DLAT: variants seen among roughly 807,000 people sequenced by gnomAD.
DLAT encodes dihydrolipoyllysine-residue acetyltransferase component of pyruvate dehydrogenase complex, mitochondrial.
A neutral mutation model predicts 68.0 loss-of-function variants in DLAT; 43 were observed. The observed-to-expected ratio is 0.63, with a 90% confidence interval of 0.50 to 0.81. The LOEUF (loss-of-function observed/expected upper bound fraction) is 0.81, where lower values mean the gene tolerates loss of function less well. Among genes scored for constraint, DLAT ranks in the 40% least tolerant of loss-of-function variants. DLAT has a pLI of 0.00. For synonymous variants in DLAT, 265 were observed against 288.6 expected (o/e 0.92, Z 0.83); for missense variants, 745 against 815.4 (o/e 0.91, Z 1.05).
chr11:112,064,260 T>C lies in DLAT; in HGVS notation c.*1725T>C. On this transcript the variant is annotated 3_prime_UTR_variant, in exon 14 of 14. Coordinates refer to ENST00000280346, the MANE Select transcript of DLAT (RefSeq NM_001931.5). ...AAAAACAGTTGCCTTCTAATAAACA[T>C]TGTTGAGTTAAAAATTAATCTGAGC... is the stretch of plus-strand genomic sequence containing the variant. The C allele has an allele frequency of 1.3e-6, 2 of 1,508,270 alleles. No individual in the cohort carries two copies. Among genetic ancestry groups the C allele is most frequent in the Non-Finnish European group, 8.9e-7 (1 of 1,123,350 alleles). The allele number at this position is 1,508,270 out of a possible 1,614,324, so 93.4% of individuals were successfully genotyped here. A position where few individuals can be genotyped will look rare whatever the true frequency, so the allele number is the denominator to read the frequency against.
chr11:112,047,471 C>A (rs782568382), intron 10 of DLAT, among the ~76,000 whole-genome samples: 6 of 152,020 alleles, frequency 3.9e-5, no homozygotes, highest in Non-Finnish European at 8.8e-5. Flanking sequence ...TAGTTTAATT[C>A]GACCCCATTT....
At chr11:112,029,773 C>A in intron 4 of DLAT, 1 of 460,500 alleles carries the variant, frequency 2.2e-6, no homozygotes, top group South Asian at 1.8e-5. Flanking sequence ...AGGGGCCAGT[C>A]CAGATTATCT....
rs1274674797 is a variant in DLAT, at chr11:112,055,665, G to A, written c.1515-4238G>A. Among the ~76,000 whole-genome samples the A allele has an allele frequency of 2.0e-5, 3 of 151,870 alleles. No homozygotes were observed. In the East Asian group the frequency reaches 5.8e-4, roughly 29 times the overall value. ...TCTAGGATGCTGTTTGGGCTTTCCT[G>A]TTCCTTGCTTTTAGATGCATTCCTT... On this transcript the variant is annotated intron_variant, in intron 11 of 13. Transcript: ENST00000280346.
At chr11:112,046,097 C>T (rs1863300949) in intron 10 of DLAT, 127 bp downstream of exon 10, 1 of 631,492 alleles carries the variant, frequency 1.6e-6, no homozygotes, top group South Asian at 1.8e-5. Context: ...TTGATCTTGT[C>T]CTTTGAAGCA....
intron 10 of DLAT, among the ~76,000 whole-genome samples, chr11:112,050,230 G>A (rs781798261): frequency 3.9e-5 from 6 of 152,036 alleles, no homozygotes; most frequent in Non-Finnish European, 7.4e-5. Context: ...ATTTGATCAT[G>A]GTGAATGATC....
chr11:112,050,711 TCTCTC>T (rs1290425035), intron 10 of DLAT, among the ~76,000 whole-genome samples: 1 of 152,226 alleles, frequency 6.6e-6, no homozygotes, highest in Non-Finnish European at 1.5e-5. Flanking sequence ...ATTCTAGTCT[TCTCTC>T]CTCTTCTTGG....
chr11:112,053,734 T>A (rs1863809927), intron 11 of DLAT, among the ~76,000 whole-genome samples: 1 of 152,158 alleles, frequency 6.6e-6, no homozygotes, highest in Admixed American at 6.5e-5. Flanking sequence ...ATCACAGGTG[T>A]GAGCTACCAC....
intron 11 of DLAT, among the ~76,000 whole-genome samples, chr11:112,054,807 A>G (rs1252417945): frequency 5.9e-5 from 9 of 152,208 alleles, no homozygotes; most frequent in Admixed American, 4.6e-4. Context: ...TCCAAAGACT[A>G]TAGAGAAGAA....
chr11:112,061,333 A>T (rs1864610105), intron 13 of DLAT, 159 bp downstream of exon 13: 4 of 719,428 alleles, frequency 5.6e-6, no homozygotes, highest in Admixed American at 2.2e-5. Flanking sequence ...TTTGCATATA[A>T]CCTACACACA....
chr11:112,034,587 T>C (rs1481334178), intron 5 of DLAT, among the ~76,000 whole-genome samples: 1 of 130,628 alleles, frequency 7.7e-6, no homozygotes, highest in Admixed American at 7.7e-5. Flanking sequence ...GGACTACAGG[T>C]GCCCGCTGCC....
At chr11:112,049,364 A>G (rs1410776486) in intron 10 of DLAT, among the ~76,000 whole-genome samples, 1 of 152,210 alleles carries the variant, frequency 6.6e-6, no homozygotes, top group African/African-American at 2.4e-5. Flanking sequence ...ATCCATGAAC[A>G]TGTAGATGCC....
chr11:112,036,430 C>G (rs1555180521), intron 5 of DLAT, among the ~76,000 whole-genome samples: 1 of 151,298 alleles, frequency 6.6e-6, no homozygotes. Flanking sequence ...TCAGGCTGGT[C>G]TCGAACTCCC....
At chr11:112,031,587 A>AT (rs1393296988) in intron 4 of DLAT, among the ~76,000 whole-genome samples, 1 of 149,446 alleles carries the variant, frequency 6.7e-6, no homozygotes, top group African/African-American at 2.5e-5. Flanking sequence ...TAGCTATTTT[A>AT]TTTTTTGAGA....
chr11:112,062,494 T>A lies in DLAT; in HGVS notation c.1903T>A (p.Phe635Ile), dbSNP rs1592739045. The A allele has an allele frequency of 6.2e-7, 1 of 1,612,354 alleles. No homozygotes were observed. Among genetic ancestry groups the A allele is most frequent in the South Asian group, 1.1e-5 (1 of 91,004 alleles). ...GAVGAQWLAE[F>I]RKYLEKPITM... ...AGTTGGAGCCCAGTGGCTTGCTGAGTTTAGAAAGTACCTTGAAAAACCTAT... is the reference window on the plus strand; with the variant it reads ...AGTTGGAGCCCAGTGGCTTGCTGAGATTAGAAAGTACCTTGAAAAACCTAT... The change falls in exon 14 of 14, where the codon TTT becomes ATT. Residue 635 changes from phenylalanine (F) to isoleucine (I), a missense_variant. Transcript: ENST00000280346.
At chr11:112,037,104 T>C (rs1320834686) in intron 5 of DLAT, among the ~76,000 whole-genome samples, 169 bp from the exon 6 acceptor site, 8 of 152,138 alleles carry the variant, frequency 5.3e-5, no homozygotes, top group African/African-American at 1.9e-4. Flanking sequence ...ACTATTATTA[T>C]CCCCGTATTG....
At chr11:112,042,938 C>G (rs1322613902) in intron 7 of DLAT, among the ~76,000 whole-genome samples, 1 of 152,126 alleles carries the variant, frequency 6.6e-6, no homozygotes, top group Non-Finnish European at 1.5e-5. Flanking sequence ...GTGAAAAAAT[C>G]GACTTGATTT....
intron 7 of DLAT, 95 bp from the exon 8 acceptor site, chr11:112,043,371 A>G: frequency 1.7e-6 from 2 of 1,179,542 alleles, no homozygotes; most frequent in Non-Finnish European, 2.6e-6. Context: ...TTTGGTAGTA[A>G]ACCCTTAGGA....
chr11:112,060,702 A>G (rs1057502290), intron 12 of DLAT, among the ~76,000 whole-genome samples: 3 of 151,572 alleles, frequency 2.0e-5, no homozygotes, highest in East Asian at 3.9e-4. Flanking sequence ...CTGACCTCAA[A>G]TGATCCACCC....
intron 11 of DLAT, among the ~76,000 whole-genome samples, chr11:112,055,507 G>A (rs1342878699): frequency 1.3e-5 from 2 of 151,960 alleles, no homozygotes; most frequent in Non-Finnish European, 2.9e-5. Context: ...GCCTCCCAAA[G>A]TGCTGGGATT....
Sources: gnomAD v4.1 joint callset for allele counts (sites outside exome capture counted in the v4.1 genomes callset) on GRCh38, gnomAD v4.1.1 for gene constraint, MANE v1.5 for transcripts, NCBI Gene and HGNC (gene_info 2026-07-23, HGNC 2026-07-21) for gene names.